Variants in RAB28 observed in about 807,000 individuals in gnomAD.
The protein encoded by RAB28 is RAB28, member RAS oncogene family.
A neutral mutation model predicts 31.7 loss-of-function variants in RAB28; 24 were observed. The ratio of observed to expected loss-of-function variants is 0.76; its 90% CI spans 0.55 to 1.06. The LOEUF is 1.06. RAB28 is among the 50% of genes least tolerant of loss of function. RAB28 has a pLI of 0.00. For synonymous variants in RAB28, 100 were observed against 90.4 expected, an observed-to-expected ratio of 1.11 and a Z score of -0.60; for missense variants, 254 against 258.5, an observed-to-expected ratio of 0.98 and a Z score of 0.12.
At chr4:13,400,139 T>C (rs759225033) in intron 4 of RAB28, among the ~76,000 whole-genome samples, 2 of 152,176 alleles carry the variant, frequency 1.3e-5, no homozygotes, top group Non-Finnish European at 2.9e-5. Context: ...AGATCTTCTA[T>C]ATCACCTCCA....
At chr4:13,482,564 T>G (rs1291023429) in intron 1 of RAB28, among the ~76,000 whole-genome samples, 1 of 152,166 alleles carries the variant, frequency 6.6e-6, no homozygotes, top group Non-Finnish European at 1.5e-5. Flanking sequence ...TATAAAAATC[T>G]AACAAACTTT....
intron 3 of RAB28, among the ~76,000 whole-genome samples, chr4:13,461,909 G>A (rs569801961): frequency 7.5e-4 from 114 of 152,274 alleles, no homozygotes; most frequent in Non-Finnish European, 1.4e-3. Flanking sequence ...CACCAATCAT[G>A]AAAGGCTGGT....
intron 4 of RAB28, among the ~76,000 whole-genome samples, chr4:13,403,125 T>C (rs1169003970): frequency 1.3e-5 from 2 of 152,124 alleles, no homozygotes; most frequent in African/African-American, 4.8e-5. Context: ...AAGTAACTAA[T>C]GAATTCTGCT....
In RAB28 at chr4:13,368,504, G is replaced by T. The variant is rs1474506282; in HGVS notation, c.*54C>A. ...AAAACAAGTTCCTAGAAGTCCTCGG[G>T]CCCACCCAGAGGTGAAGGGCAGCCA... On this transcript the variant is annotated 3_prime_UTR_variant, in exon 7 of 7. Coordinates refer to ENST00000330852, the MANE Select transcript of RAB28 (RefSeq NM_001017979.3). The T allele has an allele frequency of 2.6e-6, 4 of 1,561,832 alleles. No homozygotes were observed. The highest frequency in any genetic ancestry group is 3.5e-6 in the Non-Finnish European group (4 of 1,158,946).
In RAB28 at chr4:13,376,639, G is replaced by T. The variant is rs370533140; in HGVS notation, c.496-17C>A. On this transcript the variant is annotated splice_polypyrimidine_tract_variant and intron_variant, in intron 5 of 6. Transcript: ENST00000330852. ...CAGGAAGACCTACATAACAAAAATG[G>T]GTTTAAATGATTTAAAAGAGGCATG... 9 of 1,551,382 alleles carry T rather than the reference G, an allele frequency of 5.8e-6. No individual in the cohort carries two copies. In the Admixed American group the frequency reaches 1.8e-4, roughly 30 times the overall value.
chr4:13,406,884 A>C (rs1228767319), intron 4 of RAB28, among the ~76,000 whole-genome samples: 1 of 152,088 alleles, frequency 6.6e-6, no homozygotes, highest in Non-Finnish European at 1.5e-5. Flanking sequence ...TTCCTTGTAG[A>C]TTCTGGATAT....
chr4:13,394,435 G>A (rs1483129170), intron 4 of RAB28, among the ~76,000 whole-genome samples: 1 of 152,164 alleles, frequency 6.6e-6, no homozygotes, highest in Non-Finnish European at 1.5e-5. Context: ...TGATCTGACA[G>A]GAGGTGGAGC....
chr4:13,429,875 CTACAG>C (rs1467242773), intron 4 of RAB28, among the ~76,000 whole-genome samples: 1 of 152,142 alleles, frequency 6.6e-6, no homozygotes, highest in Non-Finnish European at 1.5e-5. Flanking sequence ...TTCAAACTTA[CTACAG>C]TAATCTAGTT....
rs80031319 is a variant in RAB28, at chr4:13,456,859, T to A, written c.391+3840A>T. Among the ~76,000 whole-genome samples the A allele has an allele frequency of 3.3e-3, 504 of 152,312 alleles. 3 individuals are homozygous for A. Among genetic ancestry groups the A allele is most frequent in the African/African-American group, 0.012 (479 of 41,576 alleles). On this transcript the variant is annotated intron_variant, in intron 4 of 6. Transcript: ENST00000330852. ...TCTAGTTACTCTGGATAGTTAACCATAAAATTTAACTTTTAATAAAAATAA... is the reference window on the plus strand; with the variant it reads ...TCTAGTTACTCTGGATAGTTAACCAAAAAATTTAACTTTTAATAAAAATAA...
chr4:13,368,810 C>G (rs1728611474), intron 6 of RAB28, among the ~76,000 whole-genome samples, 160 bp from the exon 7 acceptor site: 7 of 149,296 alleles, frequency 4.7e-5, no homozygotes, highest in Admixed American at 4.0e-4. Context: ...GACAAACAAA[C>G]AAAGAGTGGA....
chr4:13,478,362 C>A (rs1175872737), intron 2 of RAB28, among the ~76,000 whole-genome samples: 1 of 151,476 alleles, frequency 6.6e-6, no homozygotes, highest in Admixed American at 6.6e-5. Context: ...ATCTCCTAAT[C>A]TATTTTTCAC....
At chr4:13,480,726 C>T (rs1377142300) in intron 1 of RAB28, among the ~76,000 whole-genome samples, 1 of 151,842 alleles carries the variant, frequency 6.6e-6, no homozygotes, top group Non-Finnish European at 1.5e-5. Context: ...GATAATTGGC[C>T]AAGTATTTGT....
At chr4:13,372,983 T>C (rs1728772769) in intron 6 of RAB28, among the ~76,000 whole-genome samples, 1 of 152,150 alleles carries the variant, frequency 6.6e-6, no homozygotes, top group Non-Finnish European at 1.5e-5. Context: ...TAGAAATTTT[T>C]GGTATTTTAA....
intron 1 of RAB28, among the ~76,000 whole-genome samples, chr4:13,479,836 A>G (rs917049615): frequency 2.0e-5 from 3 of 151,476 alleles, no homozygotes; most frequent in Non-Finnish European, 4.4e-5. Context: ...ACTAAAAAAT[A>G]AATAAATAAA....
chr4:13,370,315 TGTG>T, intron 6 of RAB28: 1 of 961,766 alleles, frequency 1.0e-6, no homozygotes, highest in Non-Finnish European at 1.2e-6. Context: ...TTCAGAAGAC[TGTG>T]AAGAATTATG....
intron 3 of RAB28, among the ~76,000 whole-genome samples, chr4:13,461,959 TA>T (rs1298300655): frequency 1.3e-5 from 2 of 152,216 alleles, no homozygotes; most frequent in African/African-American, 4.8e-5. Context: ...GAGGTTAAAA[TA>T]ACCAAGGTCA....
Position 13,404,110 on chromosome 4 carries a change from AC to A in RAB28, c.392-22517del, listed in dbSNP as rs772886493. Among the ~76,000 whole-genome samples, 76 of 152,166 alleles carry A rather than the reference AC, an allele frequency of 5.0e-4. 1 individual carries two copies. Among genetic ancestry groups the A allele is most frequent in the Non-Finnish European group, 9.3e-4 (63 of 68,016 alleles). ...AATGGATCTTCTTGGCCGGGCCAGT[AC>A]CTCATGCCTCTAATCCCAGCACTGT... is the stretch of plus-strand genomic sequence containing the variant. On this transcript the variant is annotated intron_variant, in intron 4 of 6. Transcript: ENST00000330852.
intron 4 of RAB28, among the ~76,000 whole-genome samples, chr4:13,425,440 C>G (rs568850946): frequency 6.6e-6 from 1 of 152,192 alleles, no homozygotes; most frequent in South Asian, 2.1e-4. Context: ...AGAAGTCCTT[C>G]ACAATAATTT....
At chr4:13,469,630 T>C (rs1560145057) in intron 3 of RAB28, among the ~76,000 whole-genome samples, 1 of 151,992 alleles carries the variant, frequency 6.6e-6, no homozygotes, top group African/African-American at 2.4e-5. Flanking sequence ...TTTCACTTAC[T>C]ACCATATCTA....
Sources: gnomAD v4.1 joint callset for allele counts (sites outside exome capture counted in the v4.1 genomes callset) on GRCh38, gnomAD v4.1.1 for gene constraint, MANE v1.5 for transcripts, NCBI Gene and HGNC (gene_info 2026-07-23, HGNC 2026-07-21) for gene names.